The following CEP85L variants were observed in gnomAD, a reference collection of about 807,000 sequenced individuals.
CEP85L encodes centrosomal protein 85L.
Under a neutral mutation model 100.3 loss-of-function variants are expected in CEP85L, and 60 were observed. That is an observed-to-expected ratio of 0.60 (90% CI 0.49 to 0.74). The LOEUF is 0.74. Ranked by LOEUF, CEP85L falls within the 30% of genes least tolerant of loss-of-function variation. The pLI, the probability that CEP85L is intolerant of heterozygous loss-of-function variation, is 0.00. For missense variants in CEP85L, 973 were observed against 936.2 expected (o/e 1.04, Z -0.51); for synonymous variants, 319 against 322.7 (o/e 0.99, Z 0.12).
In CEP85L at chr6:118,566,027, T is replaced by C; in HGVS notation, c.522A>G (p.Val174=). The C allele has an allele frequency of 1.2e-6, 2 of 1,614,240 alleles. No individual in the cohort carries two copies. The highest frequency in any genetic ancestry group is 1.7e-6 in the Non-Finnish European group (2 of 1,180,034). ...APDNCGQGGT[V]CREESRNGLE... is the part of the protein sequence containing the mutation. ...AACCATTCCTTGACTCTTCTCTGCA[T>C]ACAGTGCCACCCTGGCCACAGTTAT... is the stretch of plus-strand genomic sequence containing the variant. Residue 174 remains valine, a synonymous_variant, in exon 3 of 13, where the codon GTA becomes GTG. Coordinates refer to ENST00000368491, the MANE Select transcript of CEP85L (RefSeq NM_001042475.3).
intron 4 of CEP85L, among the ~76,000 whole-genome samples, chr6:118,516,581 C>G (rs1776293364): frequency 6.6e-6 from 1 of 152,168 alleles, no homozygotes; most frequent in African/African-American, 2.4e-5. Context: ...ATCCTTCACC[C>G]ACTTTTTGAT....
intron 3 of CEP85L, among the ~76,000 whole-genome samples, chr6:118,562,826 T>A (rs2114985685): frequency 6.6e-6 from 1 of 152,282 alleles, no homozygotes; most frequent in Non-Finnish European, 1.5e-5. Flanking sequence ...ATAAACAACT[T>A]CATCAATAAA....
rs369552647 is a variant in CEP85L, at chr6:118,672,329, C to T, written c.-27-19521G>A. On this transcript the variant is annotated intron_variant, in intron 1 of 13. Coordinates refer to the CEP85L transcript ENST00000368488. ...CTGGGATTGCAGGCGTGAGCCACTGCGCCAGGCTTGATATATTATATTATT... is the reference window on the plus strand; with the variant it reads ...CTGGGATTGCAGGCGTGAGCCACTGTGCCAGGCTTGATATATTATATTATT... Among the ~76,000 whole-genome samples the T allele has an allele frequency of 9.2e-5, 14 of 152,228 alleles. No homozygotes were observed. In the East Asian group the frequency reaches 1.5e-3, roughly 17 times the overall value.
At chr6:118,564,268 A>C (rs868410066) in intron 3 of CEP85L, among the ~76,000 whole-genome samples, 1 of 152,240 alleles carries the variant, frequency 6.6e-6, no homozygotes, top group Middle Eastern at 3.2e-3. Flanking sequence ...AGTTTGGAAT[A>C]GCATACTCAG....
At chr6:118,487,746 GGACCAGTGAGATCA>G (rs1774284535) in intron 6 of CEP85L, among the ~76,000 whole-genome samples, 2 of 152,264 alleles carry the variant, frequency 1.3e-5, no homozygotes, top group Admixed American at 6.5e-5. Flanking sequence ...TTGCTGCCTG[GGACCAGTGAGATCA>G]GACCGGTGAG....
intron 2 of CEP85L, among the ~76,000 whole-genome samples, chr6:118,575,803 T>C (rs1437730917): frequency 6.6e-6 from 1 of 151,758 alleles, no homozygotes; most frequent in Non-Finnish European, 1.5e-5. Flanking sequence ...TTGCATAGTG[T>C]GCAGAAAAAC....
chr6:118,479,535 T>C (rs1773624939), intron 10 of CEP85L, among the ~76,000 whole-genome samples: 2 of 152,146 alleles, frequency 1.3e-5, no homozygotes, highest in South Asian at 2.1e-4. Context: ...TAGCACTCTC[T>C]AGCCTACTTA....
At chr6:118,466,006 G>GT (rs1218930788) in intron 12 of CEP85L, among the ~76,000 whole-genome samples, 3 of 151,936 alleles carry the variant, frequency 2.0e-5, no homozygotes, top group Admixed American at 6.6e-5. Context: ...CAAATACATA[G>GT]TAAGTGTCAC....
intron 2 of CEP85L, among the ~76,000 whole-genome samples, chr6:118,596,694 C>T (rs1440716104): frequency 1.3e-5 from 2 of 152,062 alleles, no homozygotes; most frequent in East Asian, 1.9e-4. Flanking sequence ...CCTTTCCAGG[C>T]AATAATAAAT....
In CEP85L at chr6:118,502,179, C is replaced by A; in HGVS notation, c.1257+9119G>T. On this transcript the variant is annotated intron_variant, in intron 5 of 12. Coordinates refer to ENST00000368491, the MANE Select transcript of CEP85L (RefSeq NM_001042475.3). ...AGGGGTTCAAAGAGGATAAAAGGAA[C>A]AAAGTAACTCCAGGGTTATATTTGA... 4 of 976,866 alleles carry A rather than the reference C, an allele frequency of 4.1e-6. No individual in the cohort carries two copies. In the South Asian group the frequency reaches 6.6e-5, roughly 16 times the overall value. 60.5% of individuals were successfully genotyped at this position (976,866 alleles called of 1,614,324 possible). A position where few individuals can be genotyped will look rare whatever the true frequency, so the allele number is the denominator to read the frequency against.
At chr6:118,526,529 C>A (rs1044678864) in intron 3 of CEP85L, among the ~76,000 whole-genome samples, 9 of 152,178 alleles carry the variant, frequency 5.9e-5, no homozygotes, top group Non-Finnish European at 1.3e-4. Flanking sequence ...GGCAGCCCAA[C>A]AAAGGAGCAC....
At chr6:118,620,050 A>AGAAGC (rs1773340122) in intron 2 of CEP85L, among the ~76,000 whole-genome samples, 1 of 152,234 alleles carries the variant, frequency 6.6e-6, no homozygotes, top group Non-Finnish European at 1.5e-5. Flanking sequence ...AGAAGTAGGA[A>AGAAGC]GAAGCCTATG....
intron 2 of CEP85L, among the ~76,000 whole-genome samples, chr6:118,608,755 A>T (rs578032377): frequency 1.1e-4 from 16 of 152,356 alleles, no homozygotes; most frequent in Admixed American, 9.8e-4. Context: ...TGTGTTATAC[A>T]TATAAACATG....
At chr6:118,474,430 A>G (rs902173934) in intron 10 of CEP85L, among the ~76,000 whole-genome samples, 1 of 152,194 alleles carries the variant, frequency 6.6e-6, no homozygotes, top group African/African-American at 2.4e-5. Flanking sequence ...AACATTTATC[A>G]TCCTAGCAAA....
Position 118,462,317 on chromosome 6 carries a change from T to G in CEP85L, c.*3088A>C, listed in dbSNP as rs966565181. On this transcript the variant is annotated 3_prime_UTR_variant, in exon 13 of 13. Coordinates refer to ENST00000368491, the MANE Select transcript of CEP85L (RefSeq NM_001042475.3). ...AGTATTTGTGGTTTTTTGTTTTTGT[T>G]TAATTAGAGGCCACTGAAAATTAAT... The G allele has an allele frequency of 6.6e-6, 1 of 152,028 alleles. No individual in the cohort carries two copies. The highest frequency in any genetic ancestry group is 2.4e-5 in the African/African-American group (1 of 41,456). The allele number at this position is 152,028 out of a possible 1,614,324, so 9.4% of individuals were successfully genotyped here. A position where few individuals can be genotyped will look rare whatever the true frequency, so the allele number is the denominator to read the frequency against.
rs755228317 is a variant in CEP85L, at chr6:118,491,234, CACACAT to C, written c.1437+446_1437+451del. Among the ~76,000 whole-genome samples, 638 of 131,390 alleles carry C rather than the reference CACACAT, an allele frequency of 4.9e-3. 3 individuals carry two copies. Among genetic ancestry groups the C allele is most frequent in the African/African-American group, 0.01 (351 of 34,090 alleles). 86.2% of individuals were successfully genotyped at this position (131,390 alleles called of 152,430 possible). The stretch of plus-strand genomic sequence containing the variant: ...ACACACACACACACACACACACACA[CACACAT>C]ATGCATGCATATCTAGTGTTCCTGT... On this transcript the variant is annotated intron_variant, in intron 6 of 12. Transcript: ENST00000368491.
Position 118,483,871 on chromosome 6 carries a change from A to C in CEP85L, c.1438-13T>G, listed in dbSNP as rs747119138. 8 of 1,608,842 alleles carry C rather than the reference A, an allele frequency of 5.0e-6. No individual in the cohort carries two copies. Among genetic ancestry groups the C allele is most frequent in the Non-Finnish European group, 8.5e-7 (1 of 1,178,192 alleles). On this transcript the variant is annotated splice_polypyrimidine_tract_variant and intron_variant, in intron 6 of 12. Transcript: ENST00000368491. ...CTCTAGTTTTAAGCTAAAAGCAAAC[A>C]ATTATGAACCTTCAGTAGTTTTCAG...
chr6:118,549,859 T>C (rs1361857563), intron 3 of CEP85L, among the ~76,000 whole-genome samples: 1 of 151,892 alleles, frequency 6.6e-6, no homozygotes, highest in Admixed American at 6.6e-5. Flanking sequence ...AGAAATTATA[T>C]TAAACTTACC....
In CEP85L at chr6:118,665,650, C is replaced by T. The variant is rs924618781; in HGVS notation, c.-27-12842G>A. Among the ~76,000 whole-genome samples the T allele has an allele frequency of 3.9e-5, 6 of 152,146 alleles. No homozygotes were observed. In the South Asian group the frequency reaches 6.2e-4, roughly 16 times the overall value. ...CTGGAATTACAGGTGTGAGCCATTG[C>T]GCCGGGCCACATCCCTTAACTTTAA... On this transcript the variant is annotated intron_variant, in intron 1 of 13. Transcript: ENST00000368488.
Sources: allele counts gnomAD v4.1 joint callset (sites outside exome capture counted in the v4.1 genomes callset), GRCh38; gene constraint gnomAD v4.1.1; transcripts MANE v1.5; gene names NCBI Gene and HGNC (gene_info 2026-07-23, HGNC 2026-07-21).